The following MTUS2 variants were observed in gnomAD, a reference collection of about 807,000 sequenced individuals.
The protein encoded by MTUS2 is microtubule-associated tumor suppressor candidate 2.
MTUS2 carries 40 observed loss-of-function variants against 114.1 expected under a neutral mutation model. The observed-to-expected ratio is 0.35, with a 90% CI of 0.27 to 0.46. The LOEUF (loss-of-function observed/expected upper bound fraction) is 0.46. MTUS2 is among the 20% of genes least tolerant of loss of function. MTUS2 has a pLI of 1.00. For synonymous variants in MTUS2, 688 were observed against 672.0 expected, an observed-to-expected ratio of 1.02 and a Z score of -0.37; for missense variants, 1,679 against 1,705.4, an observed-to-expected ratio of 0.98 and a Z score of 0.27.
At chr13:28,842,846 A>G (rs979749447) in intron 2 of MTUS2, among the ~76,000 whole-genome samples, 5 of 152,208 alleles carry the variant, frequency 3.3e-5, no homozygotes, top group Non-Finnish European at 7.3e-5. Context: ...TAGCAGCCAC[A>G]TACAGTGGGT....
chr13:28,912,792 G>A (rs1424114452), intron 2 of MTUS2, among the ~76,000 whole-genome samples: 2 of 152,022 alleles, frequency 1.3e-5, no homozygotes, highest in Non-Finnish European at 2.9e-5. Context: ...TTGTGAATGG[G>A]ATTTCATTCA....
intron 2 of MTUS2, among the ~76,000 whole-genome samples, chr13:28,971,011 T>C (rs907905928): frequency 1.3e-5 from 2 of 152,196 alleles, no homozygotes; most frequent in African/African-American, 2.4e-5. Context: ...CAGTACTCGA[T>C]AGTTATTAAA....
chr13:29,265,490 C>G (rs1897633744), intron 5 of MTUS2, among the ~76,000 whole-genome samples: 1 of 152,182 alleles, frequency 6.6e-6, no homozygotes, highest in Admixed American at 6.5e-5. Context: ...TAGCAATGCC[C>G]CACTCCTCAA....
chr13:29,227,814 G>A (rs758956595), intron 5 of MTUS2, among the ~76,000 whole-genome samples: 2 of 152,138 alleles, frequency 1.3e-5, no homozygotes, highest in Non-Finnish European at 2.9e-5. Context: ...CTCAAACTTG[G>A]CAGTGAAAAG....
Position 29,060,802 on chromosome 13 carries a change from C to CTTT in MTUS2, c.2446+26691_2446+26693dup, listed in dbSNP as rs34983544. Among the ~76,000 whole-genome samples the CTTT allele has an allele frequency of 7.6e-3, 971 of 127,636 alleles. 40 individuals carry two copies. Among genetic ancestry groups the CTTT allele is most frequent in the East Asian group, 0.055 (241 of 4,416 alleles). The allele number at this position is 127,636 out of a possible 152,430, so 83.7% of individuals were successfully genotyped here. Reference sequence around the variant, plus strand: ...CACTCCTTTCATTTGGATTAGTTGACTTTTTTTTTTTTTTTTGAGCCAAAG... The same window carrying CTTT: ...CACTCCTTTCATTTGGATTAGTTGACTTTTTTTTTTTTTTTTTTTGAGCCAAAG... On this transcript the variant is annotated intron_variant, in intron 4 of 15. Coordinates refer to ENST00000612955, the MANE Select transcript of MTUS2 (RefSeq NM_001033602.4).
At chr13:29,449,085 T>C (rs1278601887) in intron 9 of MTUS2, among the ~76,000 whole-genome samples, 1 of 152,138 alleles carries the variant, frequency 6.6e-6, no homozygotes, top group Non-Finnish European at 1.5e-5. Context: ...GTTTCTCAGG[T>C]ATTGTACAGA....
chr13:29,274,310 C>A (rs2139513608), intron 5 of MTUS2, among the ~76,000 whole-genome samples: 1 of 152,226 alleles, frequency 6.6e-6, no homozygotes, highest in South Asian at 2.1e-4. Context: ...CGGGGTTTCA[C>A]CGTGTTAGTC....
intron 4 of MTUS2, among the ~76,000 whole-genome samples, chr13:29,060,568 T>C (rs931209600): frequency 1.4e-5 from 2 of 139,856 alleles, no homozygotes; most frequent in African/African-American, 5.1e-5. Flanking sequence ...TTTTTTTTAC[T>C]ATTTACTTGG....
intron 5 of MTUS2, among the ~76,000 whole-genome samples, chr13:29,124,686 A>G (rs558386976): frequency 6.6e-6 from 1 of 152,314 alleles, no homozygotes; most frequent in African/African-American, 2.4e-5. Flanking sequence ...AGACCAAGTA[A>G]CCATTGATGG....
chr13:29,338,596 C>CAAAACAAAA (rs1555266802), intron 7 of MTUS2, among the ~76,000 whole-genome samples: 50 of 143,232 alleles, frequency 3.5e-4, no homozygotes, highest in African/African-American at 1.4e-3. Flanking sequence ...TCTCAGAAAA[C>CAAAACAAAA]AAAAAAAAAC....
chr13:29,352,351 T>C (rs969329751), intron 7 of MTUS2, among the ~76,000 whole-genome samples: 1 of 152,212 alleles, frequency 6.6e-6, no homozygotes, highest in Non-Finnish European at 1.5e-5. Context: ...GCAGAGACCA[T>C]ATTTTAAAGA....
At chr13:29,177,998 G>A (rs1405671120) in intron 5 of MTUS2, among the ~76,000 whole-genome samples, 1 of 152,070 alleles carries the variant, frequency 6.6e-6, no homozygotes, top group African/African-American at 2.4e-5. Flanking sequence ...AGGATCCAAG[G>A]GTCTTGGCAA....
chr13:29,228,196 G>A (rs548721325), intron 5 of MTUS2, among the ~76,000 whole-genome samples: 19 of 152,314 alleles, frequency 1.2e-4, no homozygotes, highest in African/African-American at 4.1e-4. Context: ...GGGTGAATAC[G>A]TGATAAATTG....
chr13:29,174,442 A>G (rs914667979), intron 5 of MTUS2, among the ~76,000 whole-genome samples: 6 of 152,150 alleles, frequency 3.9e-5, no homozygotes, highest in African/African-American at 4.8e-5. Context: ...TGCATGCTCT[A>G]TTCATTAGTG....
At chr13:29,109,436 C>A (rs1211710048) in intron 5 of MTUS2, among the ~76,000 whole-genome samples, 6 of 152,170 alleles carry the variant, frequency 3.9e-5, no homozygotes. Flanking sequence ...CTCCTGAATA[C>A]CTGAAACTTT....
chr13:29,097,247 T>C (rs117742058), intron 4 of MTUS2, among the ~76,000 whole-genome samples: 2,477 of 152,348 alleles, frequency 0.016, 28 homozygotes, highest in Non-Finnish European at 0.026. Context: ...GAGTTTCTTA[T>C]ATAAATGTTT....
At chr13:29,499,194 A>G (rs1882737396) in intron 14 of MTUS2, among the ~76,000 whole-genome samples, 1 of 152,078 alleles carries the variant, frequency 6.6e-6, no homozygotes, top group African/African-American at 2.4e-5. Flanking sequence ...CCTAGCTCTG[A>G]CCCACACTCG....
At chr13:29,005,732 A>G (rs1885574055) in intron 2 of MTUS2, among the ~76,000 whole-genome samples, 1 of 152,172 alleles carries the variant, frequency 6.6e-6, no homozygotes, top group East Asian at 1.9e-4. Flanking sequence ...TGATACGAAT[A>G]TCTTGCAAAC....
chr13:29,503,150 C>T lies in MTUS2; in HGVS notation c.4054C>T (p.Arg1352Cys), dbSNP rs984298608. ...ACTCTCGCCCACATCTCCCGTTTAC[C>T]GCGGCTCCTCCTCGGGGCCCTCCTC... ...IKLSPTSPVY[R>C]GSSSGPSSPA... The change falls in exon 16 of 16, where the codon CGC becomes TGC. Residue 1352 changes from arginine to cysteine, a missense_variant. Transcript: ENST00000612955. 1.2e-6 allele frequency: 2 copies of T among 1,614,216 alleles called. No individual in the cohort carries two copies. Among genetic ancestry groups the T allele is most frequent in the African/African-American group, 1.3e-5 (1 of 75,052 alleles).
Sources: allele counts gnomAD v4.1 joint callset (sites outside exome capture counted in the v4.1 genomes callset), GRCh38; gene constraint gnomAD v4.1.1; transcripts MANE v1.5; gene names NCBI Gene and HGNC (gene_info 2026-07-23, HGNC 2026-07-21).